The following PDS5B variants were observed in gnomAD, a reference collection of about 807,000 sequenced individuals.
PDS5B encodes PDS5 cohesin associated factor B, also known as sister chromatid cohesion protein PDS5 homolog B.
In PDS5B, 51 loss-of-function variants were observed where a neutral mutation model predicts 184.1. The observed-to-expected ratio is 0.28, with a 90% confidence interval of 0.22 to 0.35. PDS5B has a LOEUF of 0.35. PDS5B is among the 10% of genes least tolerant of loss of function. The pLI is 1.00. For synonymous variants in PDS5B, 566 were observed against 569.2 expected, an observed-to-expected ratio of 0.99 and a Z score of 0.08; for missense variants, 1,180 against 1,723.3, an observed-to-expected ratio of 0.68 and a Z score of 5.58.
At chr13:32,722,351 GA>G in intron 19 of PDS5B, among the ~76,000 whole-genome samples, 1 of 152,244 alleles carries the variant, frequency 6.6e-6, no homozygotes, top group Non-Finnish European at 1.5e-5. Flanking sequence ...GAAAGCGGGA[GA>G]TGGAGACGAT....
chr13:32,593,278 C>T (rs1394685325), intron 1 of PDS5B, among the ~76,000 whole-genome samples: 1 of 152,160 alleles, frequency 6.6e-6, no homozygotes, highest in African/African-American at 2.4e-5. Context: ...GGGCACCAAC[C>T]CCTGTGCAGT....
chr13:32,725,750 T>G (rs1952875977), intron 19 of PDS5B, among the ~76,000 whole-genome samples: 1 of 152,220 alleles, frequency 6.6e-6, no homozygotes, highest in Non-Finnish European at 1.5e-5. Context: ...AACACTATAA[T>G]ATTACATAAT....
At chr13:32,603,216 T>C (rs1187969503) in intron 1 of PDS5B, among the ~76,000 whole-genome samples, 1 of 152,248 alleles carries the variant, frequency 6.6e-6, no homozygotes, top group East Asian at 1.9e-4. Flanking sequence ...TCTAGAGTTT[T>C]TATGGTTTTA....
intron 1 of PDS5B, among the ~76,000 whole-genome samples, chr13:32,590,768 A>G (rs976695623): frequency 6.6e-6 from 1 of 152,148 alleles, no homozygotes; most frequent in Admixed American, 6.5e-5. Flanking sequence ...AAGTTCTACC[A>G]GGTAGTTTCA....
chr13:32,652,237 T>G (rs1239221384), intron 3 of PDS5B: 1 of 399,178 alleles, frequency 2.5e-6, no homozygotes, highest in African/African-American at 2.0e-5. Flanking sequence ...TTTTATATCA[T>G]GTCATCATTA....
rs535746447 is a variant in PDS5B, at chr13:32,688,157, A to G, written c.1356-299A>G. Among the ~76,000 whole-genome samples, 9 of 151,168 alleles carry G rather than the reference A, an allele frequency of 6.0e-5. No individual in the cohort carries two copies. In the South Asian group the frequency reaches 1.9e-3, roughly 31 times the overall value. ...AACTTGGCATTTGAAAGGACCTGGC[A>G]TATTTTAAAACTCTGTATTATACAG... On this transcript the variant is annotated intron_variant, in intron 12 of 34. Coordinates refer to ENST00000315596, the MANE Select transcript of PDS5B (RefSeq NM_015032.4).
intron 24 of PDS5B, among the ~76,000 whole-genome samples, chr13:32,750,797 C>T: frequency 6.6e-6 from 1 of 151,816 alleles, no homozygotes; most frequent in South Asian, 2.1e-4. Flanking sequence ...TTGCCTTGGC[C>T]TCCCAAAGTG....
chr13:32,766,537 A>G (rs1170994414), intron 31 of PDS5B, among the ~76,000 whole-genome samples: 1 of 152,188 alleles, frequency 6.6e-6, no homozygotes, highest in Non-Finnish European at 1.5e-5. Flanking sequence ...CCTCAGAGAG[A>G]TGAGTATTAT....
At chr13:32,626,767 A>G (rs555239533) in intron 1 of PDS5B, among the ~76,000 whole-genome samples, 23 of 152,326 alleles carry the variant, frequency 1.5e-4, no homozygotes, top group Non-Finnish European at 3.1e-4. Context: ...TCATTTTTTC[A>G]TGGAGCCAAA....
At chr13:32,666,660 A>G (rs1950805643) in intron 6 of PDS5B, among the ~76,000 whole-genome samples, 1 of 152,192 alleles carries the variant, frequency 6.6e-6, no homozygotes, top group South Asian at 2.1e-4. Flanking sequence ...TGAAAAGACA[A>G]GTATAGACTA....
intron 6 of PDS5B, among the ~76,000 whole-genome samples, chr13:32,663,217 G>A (rs189112820): frequency 1.2e-3 from 175 of 151,952 alleles, no homozygotes; most frequent in Admixed American, 2.4e-3. Flanking sequence ...TATTTAAGTG[G>A]CAAATATTCC....
At chr13:32,645,566 A>C (rs185051385) in intron 1 of PDS5B, among the ~76,000 whole-genome samples, 1 of 152,236 alleles carries the variant, frequency 6.6e-6, no homozygotes, top group East Asian at 1.9e-4. Flanking sequence ...CTACATTTTC[A>C]AATGTTATAT....
chr13:32,764,702 T>G (rs1954528159), intron 31 of PDS5B, 108 bp downstream of exon 31: 3 of 579,398 alleles, frequency 5.2e-6, no homozygotes, highest in Non-Finnish European at 8.6e-6. Context: ...TTATTTTATT[T>G]TATTTTAGTG....
At chr13:32,675,613 G>T (rs1339726431) in intron 8 of PDS5B, among the ~76,000 whole-genome samples, 2 of 152,144 alleles carry the variant, frequency 1.3e-5, no homozygotes, top group Non-Finnish European at 2.9e-5. Context: ...CTTTAAAGAT[G>T]TATTTTCATG....
chr13:32,754,806 A>C lies in PDS5B; in HGVS notation c.2942-1036A>C, dbSNP rs563987970. 2.0e-5 allele frequency among the ~76,000 whole-genome samples: 3 copies of C among 152,270 alleles called. No individual in the cohort carries two copies. In the South Asian group the frequency reaches 6.2e-4, roughly 32 times the overall value. Reference sequence around the variant, plus strand: ...TGTATGGCCCAAAGAAGTGCTCAGTATGTGTTAGCCATTCTTATTTTGGTG... The same window carrying C: ...TGTATGGCCCAAAGAAGTGCTCAGTCTGTGTTAGCCATTCTTATTTTGGTG... On this transcript the variant is annotated intron_variant, in intron 25 of 34. Coordinates refer to ENST00000315596, the MANE Select transcript of PDS5B (RefSeq NM_015032.4).
Position 32,770,754 on chromosome 13 carries a change from A to C in PDS5B, c.4165A>C (p.Lys1389Gln). 1.3e-6 allele frequency: 2 copies of C among 1,599,884 alleles called. No individual in the cohort carries two copies. The highest frequency in any genetic ancestry group is 1.1e-5 in the South Asian group (1 of 88,830). The change falls in exon 33 of 35, where the codon AAA becomes CAA. Residue 1389 changes from lysine to glutamine, a missense_variant. By Grantham distance (53) the Lys-to-Gln change is moderately conservative (BLOSUM62 1). Coordinates refer to ENST00000315596, the MANE Select transcript of PDS5B (RefSeq NM_015032.4). ...SKTPSPSQPK[K>Q]NVRVGRSKQA... ...AACGCCATCACCATCACAACCAAAA[A>C]AAAATGTGTAAGTTGTAAATATTAC...
chr13:32,735,805 A>G (rs1220946446), intron 21 of PDS5B, among the ~76,000 whole-genome samples: 6 of 152,168 alleles, frequency 3.9e-5, no homozygotes, highest in Admixed American at 1.3e-4. Flanking sequence ...ACAGCACTGT[A>G]CTAGGTTCTC....
intron 19 of PDS5B, among the ~76,000 whole-genome samples, chr13:32,722,244 C>G (rs1326056466): frequency 6.6e-6 from 1 of 152,230 alleles, no homozygotes; most frequent in Non-Finnish European, 1.5e-5. Flanking sequence ...CAATCCCAGG[C>G]ACTGGGCAGG....
intron 9 of PDS5B, among the ~76,000 whole-genome samples, chr13:32,676,486 T>C (rs1951066457): frequency 6.6e-6 from 1 of 152,208 alleles, no homozygotes; most frequent in Non-Finnish European, 1.5e-5. Flanking sequence ...TGTGTTTGTG[T>C]ATGTCACTTT....
Sources: allele counts gnomAD v4.1 joint callset (sites outside exome capture counted in the v4.1 genomes callset), GRCh38; gene constraint gnomAD v4.1.1; transcripts MANE v1.5; gene names NCBI Gene and HGNC (gene_info 2026-07-23, HGNC 2026-07-21).